The following MYH11 variants were observed in gnomAD, a reference collection of about 807,000 sequenced individuals.
The protein encoded by MYH11 is myosin-11.
A neutral mutation model predicts 246.6 loss-of-function variants in MYH11; 80 were observed. The observed-to-expected ratio is 0.32, with a 90% CI of 0.27 to 0.39. MYH11 has a LOEUF of 0.39. MYH11 is among the 10% of genes least tolerant of loss of function. The pLI is 1.00. For synonymous variants in MYH11, 1,071 were observed against 1,015.5 expected, an observed-to-expected ratio of 1.05 and a Z score of -1.04; for missense variants, 2,158 against 2,546.8, an observed-to-expected ratio of 0.85 and a Z score of 3.29.
intron 40 of MYH11, among the ~76,000 whole-genome samples, chr16:15,707,971 A>C (rs2039553392): frequency 6.6e-6 from 1 of 151,406 alleles, no homozygotes; most frequent in African/African-American, 2.4e-5. Flanking sequence ...AAAAAAAAAA[A>C]AAAAAAAAGC....
At chr16:15,840,123 TA>T (rs2044016475) in intron 1 of MYH11, among the ~76,000 whole-genome samples, 1 of 151,980 alleles carries the variant, frequency 6.6e-6, no homozygotes, top group Non-Finnish European at 1.5e-5. Flanking sequence ...AAGAGGTACA[TA>T]AGAGGTAAGA....
At chr16:15,837,111 C>G (rs1480986211) in intron 2 of MYH11, among the ~76,000 whole-genome samples, 3 of 152,202 alleles carry the variant, frequency 2.0e-5, no homozygotes, top group African/African-American at 7.2e-5. Context: ...CTAGTCCACT[C>G]TGTTCTGCAA....
intron 9 of MYH11, 109 bp downstream of exon 9, chr16:15,771,460 A>T: frequency 1.3e-5 from 13 of 963,662 alleles, no homozygotes; most frequent in South Asian, 2.0e-5. Context: ...TTTTAATGGA[A>T]GGTGGGGAAT....
intron 1 of MYH11, among the ~76,000 whole-genome samples, chr16:15,854,357 C>G (rs1014662327): frequency 6.6e-6 from 1 of 152,186 alleles, no homozygotes; most frequent in African/African-American, 2.4e-5. Context: ...TACACATTAG[C>G]TCATCAAATC....
chr16:15,747,756 TC>T (rs1290825465), intron 18 of MYH11, 26 bp from the exon 19 acceptor site: 1 of 1,613,680 alleles, frequency 6.2e-7, no homozygotes, highest in Admixed American at 1.7e-5. Context: ...AAGGAAGAGC[TC>T]CTGATTTCCA....
intron 1 of MYH11, among the ~76,000 whole-genome samples, chr16:15,847,581 T>C: frequency 6.6e-6 from 1 of 152,150 alleles, no homozygotes; most frequent in Non-Finnish European, 1.5e-5. Context: ...AATTGCCATG[T>C]GGATGAGTTG....
chr16:15,840,876 G>A (rs755273998), intron 1 of MYH11, among the ~76,000 whole-genome samples: 11 of 151,958 alleles, frequency 7.2e-5, no homozygotes, highest in South Asian at 2.1e-4. Flanking sequence ...GTTTTAAATC[G>A]GTGAGTTTTA....
rs141031021 is a variant in MYH11 at position 15,720,971 on chromosome 16, G to A, written c.4659C>T (p.Asp1553=). 225 of 1,614,072 alleles carry A rather than the reference G, an allele frequency of 1.4e-4. 2 individuals are homozygous for A. Among genetic ancestry groups the A allele is most frequent in the African/African-American group, 9.3e-4 (70 of 75,010 alleles). ...TGGCGTCCTCCGTGGCTTGCAGCTC[G>A]TCCTCCAGCTCTTCCAGCTGCGTCT... ...EMKTQLEELE[D]ELQATEDAKL... The change falls in exon 33 of 41, where the codon GAC becomes GAT. Residue 1553 remains aspartate (D), a synonymous_variant. Transcript: ENST00000300036.
chr16:15,799,674 A>C (rs946760863), intron 3 of MYH11, among the ~76,000 whole-genome samples: 2 of 152,254 alleles, frequency 1.3e-5, no homozygotes, highest in Non-Finnish European at 2.9e-5. Flanking sequence ...GAGAACAGTT[A>C]CCAATACGTT....
In MYH11 at chr16:15,705,609, C is replaced by T. The variant is rs150870031; in HGVS notation, c.5787-1486G>A. 6.2e-4 allele frequency among the ~76,000 whole-genome samples: 95 copies of T among 152,242 alleles called. 1 individual carries two copies. The highest frequency in any genetic ancestry group is 3.4e-3 in the Middle Eastern group (1 of 294). Reference sequence around the variant, plus strand: ...TATTTTAGGACATCAAAGAAGAGAGCAGACTTTTGCTCCCCACGCAAGGGT... The same window carrying T: ...TATTTTAGGACATCAAAGAAGAGAGTAGACTTTTGCTCCCCACGCAAGGGT... On this transcript the variant is annotated intron_variant, in intron 40 of 40. Transcript: ENST00000300036.
At chr16:15,839,165 A>G (rs1482160173) in intron 1 of MYH11, among the ~76,000 whole-genome samples, 2 of 144,958 alleles carry the variant, frequency 1.4e-5, no homozygotes, top group Non-Finnish European at 3.0e-5. Flanking sequence ...AGCCAAGATC[A>G]AGCCACTGCA....
chr16:15,778,795 C>T lies in MYH11; in HGVS notation c.775G>A (p.Ala259Thr), dbSNP rs1172101058. Residue 259 changes from alanine (A) to threonine (T), a missense_variant, in exon 7 of 41, where the codon GCC becomes ACC. By Grantham distance (58) the Ala-to-Thr change is moderately conservative (BLOSUM62 0). Transcript: ENST00000300036. ...NFDVTGYIVG[A>T]NIETYLLEKS... ...GAAAGGATACAGGTCTCAATGTTGG[C>T]TCCCACGATGTAACCCGTGACGTCG... 1 of 1,614,152 alleles carries T rather than the reference C, an allele frequency of 6.2e-7. No individual in the cohort carries two copies. Among genetic ancestry groups the T allele is most frequent in the South Asian group, 1.1e-5 (1 of 91,076 alleles).
At chr16:15,729,150 G>A (rs1227193403) in intron 27 of MYH11, among the ~76,000 whole-genome samples, 1 of 151,954 alleles carries the variant, frequency 6.6e-6, no homozygotes, top group Non-Finnish European at 1.5e-5. Flanking sequence ...AAGCAGTGAA[G>A]CGGGGACCCT....
chr16:15,718,420 C>T lies in MYH11; in HGVS notation c.5190G>A (p.Glu1730=). ...CGATCCGGGCCTCCAGGCGGCGCTT[C>T]TCGTCCTGGAGTGCGTTCCTGGGGG... is the stretch of plus-strand genomic sequence containing the variant. The part of the protein sequence containing the change: ...SLSGRNALQD[E]KRRLEARIAQ... Residue 1730 remains glutamate (E), a synonymous_variant, in exon 37 of 41, where the codon GAG becomes GAA. Coordinates refer to ENST00000300036, the MANE Select transcript of MYH11 (RefSeq NM_002474.3). The T allele has an allele frequency of 5.7e-6, 9 of 1,579,328 alleles. No individual in the cohort carries two copies. Among genetic ancestry groups the T allele is most frequent in the Non-Finnish European group, 7.7e-6 (9 of 1,163,942 alleles).
chr16:15,827,311 G>A (rs1186858259), intron 2 of MYH11, among the ~76,000 whole-genome samples: 1 of 152,218 alleles, frequency 6.6e-6, no homozygotes, highest in Non-Finnish European at 1.5e-5. Context: ...AAACCTCCAG[G>A]TGGGGAGGTA....
intron 31 of MYH11, among the ~76,000 whole-genome samples, chr16:15,722,316 G>C (rs1373873442): frequency 6.6e-6 from 1 of 152,222 alleles, no homozygotes; most frequent in Non-Finnish European, 1.5e-5. Context: ...AGCCTCAGTA[G>C]GGAAATGGTA....
At chr16:15,815,326 AACAGGATATTGCAACC>A (rs2043238371) in intron 3 of MYH11, among the ~76,000 whole-genome samples, 2 of 152,340 alleles carry the variant, frequency 1.3e-5, no homozygotes, top group South Asian at 4.1e-4. Flanking sequence ...TCCTCTGAGA[AACAGGATATTGCAACC>A]ACAGAAAAAG....
At chr16:15,835,746 A>ATTTTTTTTTTT (rs386384349) in intron 2 of MYH11, among the ~76,000 whole-genome samples, 1 of 132,100 alleles carries the variant, frequency 7.6e-6, no homozygotes, top group African/African-American at 2.8e-5. Context: ...AGCTGGTACT[A>ATTTTTTTTTTT]TTTTTTTTTT....
chr16:15,747,710 G>A lies in MYH11; in HGVS notation c.2271C>T (p.Asp757=), dbSNP rs2151260171. Residue 757 remains aspartate (D), a synonymous_variant, in exon 19 of 41, where the codon GAC becomes GAT. Transcript: ENST00000300036. The stretch of plus-strand genomic sequence containing the variant: ...TCTGCCCTATCCTGTATAAGTTGGG[G>A]TCAAGTTCCAGGGCTTTGATCTGCA... ...CILMIKALEL[D]PNLYRIGQSK... is the part of the protein sequence containing the mutation. 6.2e-7 allele frequency: 1 copy of A among 1,614,086 alleles called. No individual in the cohort carries two copies. The highest frequency in any genetic ancestry group is 2.2e-5 in the East Asian group (1 of 44,870).
Sources: gnomAD v4.1 joint callset for allele counts (sites outside exome capture counted in the v4.1 genomes callset) on GRCh38, gnomAD v4.1.1 for gene constraint, MANE v1.5 for transcripts, NCBI Gene and HGNC (gene_info 2026-07-23, HGNC 2026-07-21) for gene names.